The following MDGA2 variants were observed in gnomAD, a reference collection of about 807,000 sequenced individuals.
MDGA2 encodes the protein MAM domain containing glycosylphosphatidylinositol anchor 2.
Under a neutral mutation model 117.8 loss-of-function variants are expected in MDGA2, and 40 were observed. That is an observed-to-expected ratio of 0.34 (90% CI 0.26 to 0.44). The LOEUF is 0.44. MDGA2 is among the 20% of genes least tolerant of loss of function. The probability of loss-of-function intolerance (pLI) is 1.00; values close to 1 mark genes in which losing one functional copy is unlikely to be tolerated. For synonymous variants in MDGA2, 452 were observed against 439.0 expected, an observed-to-expected ratio of 1.03 and a Z score of -0.37; for missense variants, 1,123 against 1,250.6, an observed-to-expected ratio of 0.90 and a Z score of 1.54.
At chr14:47,599,816 T>C (rs763503036) in intron 1 of MDGA2, among the ~76,000 whole-genome samples, 37 of 152,308 alleles carry the variant, frequency 2.4e-4, no homozygotes, top group Admixed American at 2.6e-4. Context: ...TGGATTATTC[T>C]GTGTCATCGT....
chr14:47,216,048 C>A (rs973852115), intron 3 of MDGA2, among the ~76,000 whole-genome samples: 2 of 152,014 alleles, frequency 1.3e-5, no homozygotes, highest in Non-Finnish European at 2.9e-5. Flanking sequence ...GCTATTATTT[C>A]CAGTAAGGTG....
intron 4 of MDGA2, 58 bp downstream of exon 4, chr14:47,144,020 C>T: frequency 7.9e-7 from 1 of 1,269,912 alleles, no homozygotes; most frequent in Non-Finnish European, 1.1e-6. Flanking sequence ...TTCATGCTGC[C>T]TGAATTAGGA....
At chr14:46,991,402 A>C (rs1029400889) in intron 8 of MDGA2, among the ~76,000 whole-genome samples, 6 of 152,140 alleles carry the variant, frequency 3.9e-5, no homozygotes, top group Admixed American at 6.6e-5. Flanking sequence ...CAAAGAGAAC[A>C]CTTATTAAAG....
At chr14:47,147,531 C>T (rs1359554889) in intron 3 of MDGA2, among the ~76,000 whole-genome samples, 3 of 152,162 alleles carry the variant, frequency 2.0e-5, no homozygotes, top group African/African-American at 7.2e-5. Context: ...ACAGGTCATT[C>T]AATTTGTGCT....
chr14:47,272,601 C>A (rs1888181521), intron 2 of MDGA2, among the ~76,000 whole-genome samples: 1 of 152,058 alleles, frequency 6.6e-6, no homozygotes, highest in Non-Finnish European at 1.5e-5. Flanking sequence ...CCACTTTTTC[C>A]CTAGTACTCC....
intron 4 of MDGA2, among the ~76,000 whole-genome samples, chr14:47,137,081 C>A (rs1261288639): frequency 6.6e-6 from 1 of 152,046 alleles, no homozygotes; most frequent in South Asian, 2.1e-4. Context: ...TTTTGTATAC[C>A]TGAATTTTTT....
intron 2 of MDGA2, among the ~76,000 whole-genome samples, chr14:47,261,378 TAGA>T (rs1187769590): frequency 6.6e-6 from 1 of 152,104 alleles, no homozygotes; most frequent in Admixed American, 6.6e-5. Context: ...AATGTGAAAT[TAGA>T]TCTTGGATAT....
chr14:47,132,629 A>G (rs1200389163), intron 4 of MDGA2, among the ~76,000 whole-genome samples: 2 of 151,920 alleles, frequency 1.3e-5, no homozygotes, highest in African/African-American at 4.8e-5. Context: ...AACAAAACGT[A>G]GTCTCCTGCC....
intron 5 of MDGA2, among the ~76,000 whole-genome samples, chr14:47,098,956 T>C (rs1192811895): frequency 6.6e-6 from 1 of 151,918 alleles, no homozygotes; most frequent in Non-Finnish European, 1.5e-5. Context: ...CAAAAAATAA[T>C]GCATATATAA....
At chr14:47,123,728 A>G (rs1881763354) in intron 5 of MDGA2, among the ~76,000 whole-genome samples, 1 of 152,082 alleles carries the variant, frequency 6.6e-6, no homozygotes, top group African/African-American at 2.4e-5. Context: ...TGCAGTGACA[A>G]AAGTCATCCA....
At chr14:47,314,400 C>T (rs2139852393) in intron 1 of MDGA2, among the ~76,000 whole-genome samples, 1 of 152,236 alleles carries the variant, frequency 6.6e-6, no homozygotes, top group South Asian at 2.1e-4. Flanking sequence ...CATAATTTTT[C>T]AGGCACAGTG....
chr14:47,207,560 T>A (rs1885731227), intron 3 of MDGA2, among the ~76,000 whole-genome samples: 1 of 151,992 alleles, frequency 6.6e-6, no homozygotes, highest in Admixed American at 6.6e-5. Context: ...CCTTTCTCTA[T>A]TTTAGCTCAT....
intron 1 of MDGA2, among the ~76,000 whole-genome samples, chr14:47,655,400 C>T (rs1897724361): frequency 1.3e-5 from 2 of 152,110 alleles, no homozygotes; most frequent in South Asian, 4.1e-4. Context: ...ATAATACAGT[C>T]TGAAAGAATC....
chr14:47,044,870 C>G (rs1479878524), intron 7 of MDGA2, among the ~76,000 whole-genome samples: 1 of 152,096 alleles, frequency 6.6e-6, no homozygotes, highest in East Asian at 1.9e-4. Context: ...ATGGGGAAAT[C>G]TTATTAGAAC....
At chr14:46,918,644 A>C (rs1273209391) in intron 10 of MDGA2, among the ~76,000 whole-genome samples, 1 of 152,146 alleles carries the variant, frequency 6.6e-6, no homozygotes, top group Non-Finnish European at 1.5e-5. Flanking sequence ...GCCTGTGTGC[A>C]CTTAGAGAAG....
chr14:47,610,777 T>A (rs1425869033), intron 1 of MDGA2, among the ~76,000 whole-genome samples: 1 of 152,014 alleles, frequency 6.6e-6, no homozygotes, highest in African/African-American at 2.4e-5. Context: ...AAAATAACCA[T>A]ACTGCCAAAG....
At chr14:47,095,240 T>C (rs1305856531) in intron 6 of MDGA2, among the ~76,000 whole-genome samples, 1 of 152,024 alleles carries the variant, frequency 6.6e-6, no homozygotes, top group Non-Finnish European at 1.5e-5. Flanking sequence ...GCCTCTTACA[T>C]TCAATAGTCT....
intron 1 of MDGA2, among the ~76,000 whole-genome samples, chr14:47,358,629 T>C (rs561164187): frequency 6.6e-6 from 1 of 152,076 alleles, no homozygotes; most frequent in African/African-American, 2.4e-5. Context: ...GGATGAAAAA[T>C]CAACATACAA....
chr14:47,467,873 C>A (rs8021138), intron 1 of MDGA2, among the ~76,000 whole-genome samples: 1 of 152,008 alleles, frequency 6.6e-6, no homozygotes, highest in African/African-American at 2.4e-5. Flanking sequence ...TAACTCTGTA[C>A]TTAAAACAAC....
Sources: allele counts gnomAD v4.1 joint callset (sites outside exome capture counted in the v4.1 genomes callset), GRCh38; gene constraint gnomAD v4.1.1; transcripts MANE v1.5; gene names NCBI Gene and HGNC (gene_info 2026-07-23, HGNC 2026-07-21).